KCTD15: variants seen among roughly 807,000 people sequenced by gnomAD.
KCTD15 encodes BTB/POZ domain-containing protein KCTD15.
KCTD15 carries 11 observed loss-of-function variants against 27.2 expected under a neutral mutation model. That is an observed-to-expected ratio of 0.41 (90% CI 0.25 to 0.67). The LOEUF (loss-of-function observed/expected upper bound fraction) is 0.67, where lower values mean the gene tolerates loss of function less well. Among genes scored for constraint, KCTD15 ranks in the 30% least tolerant of loss-of-function variants. The pLI is 0.35. For synonymous variants in KCTD15, 163 were observed against 176.0 expected (o/e 0.93, Z 0.58); for missense variants, 350 against 409.3 (o/e 0.86, Z 1.25).
At chr19:33,796,843 G>C (rs1424817970), upstream of KCTD15, 1 of 127,066 alleles carries the variant, frequency 7.9e-6, no homozygotes, top group Admixed American at 8.0e-5. Flanking sequence ...TGGGGGGAGG[G>C]TTGGGGGCGA....
intron 2 of KCTD15, 27 bp from the exon 3 acceptor site, chr19:33,800,401 C>G: frequency 1.3e-6 from 2 of 1,535,506 alleles, no homozygotes; most frequent in Non-Finnish European, 1.8e-6. Flanking sequence ...AATAAGCCTT[C>G]TCTGGTTTTG....
intron 4 of KCTD15, among the ~76,000 whole-genome samples, chr19:33,806,243 G>A (rs372379652): frequency 4.9e-4 from 74 of 152,202 alleles, no homozygotes; most frequent in African/African-American, 1.7e-3. Flanking sequence ...GATTTGTGCC[G>A]TCATGTCTCT....
In KCTD15 at chr19:33,813,025, G is replaced by A. The variant is rs1271715897; in HGVS notation, c.*77G>A. ...GGGGAGTTCTGCCTGTGTATACTTGGCCGTGGGCATGAGACCGAGGGTGAG... is the reference window on the plus strand; with the variant it reads ...GGGGAGTTCTGCCTGTGTATACTTGACCGTGGGCATGAGACCGAGGGTGAG... On this transcript the variant is annotated 3_prime_UTR_variant, in exon 7 of 7. Transcript: ENST00000683859. 2 of 1,436,980 alleles carry A rather than the reference G, an allele frequency of 1.4e-6. No homozygotes were observed. Among genetic ancestry groups the A allele is most frequent in the Admixed American group, 2.0e-5 (1 of 49,548 alleles). The allele number at this position is 1,436,980 out of a possible 1,614,324, so 89.0% of individuals were successfully genotyped here.
intron 1 of KCTD15, among the ~76,000 whole-genome samples, chr19:33,797,696 TTCTG>T (rs1408247679): frequency 1.2e-5 from 1 of 85,422 alleles, no homozygotes; most frequent in Non-Finnish European, 3.5e-5. Flanking sequence ...TGCAGCGCCT[TTCTG>T]TCTTCCGGCG....
At chr19:33,804,987 G>A (rs560870321) in intron 4 of KCTD15, among the ~76,000 whole-genome samples, 3 of 152,306 alleles carry the variant, frequency 2.0e-5, no homozygotes, top group Admixed American at 6.5e-5. Flanking sequence ...GGAGTACGTG[G>A]TGTGATCTCG....
At chr19:33,795,690 G>A (rs1975298581), upstream of KCTD15, among the ~76,000 whole-genome samples, 3 of 152,142 alleles carry the variant, frequency 2.0e-5, no homozygotes, top group Admixed American at 2.0e-4. Flanking sequence ...AGGAGGAAGA[G>A]GAAGGGGAGG....
At chr19:33,797,363 A>C (rs1975369680) in intron 1 of KCTD15, 1 of 453,696 alleles carries the variant, frequency 2.2e-6, no homozygotes, top group Non-Finnish European at 4.4e-6. Flanking sequence ...AGAGCTGGCG[A>C]GTTTCCGGGG....
intron 4 of KCTD15, among the ~76,000 whole-genome samples, chr19:33,805,761 C>T (rs1975690632): frequency 6.6e-6 from 1 of 152,216 alleles, no homozygotes; most frequent in South Asian, 2.1e-4. Flanking sequence ...TACTCCCACC[C>T]CTCTTTAGGG....
chr19:33,812,876 G>T lies in KCTD15; in HGVS notation c.780G>T (p.Val260=). ...ACTCCTCCCAGTTCAGCGAGTATGT[G>T]CTTTGCCGGGAGGAGCGGCGGCCGC... ...GVDSSQFSEY[V]LCREERRPQP... Residue 260 remains valine (V), a synonymous_variant, in exon 7 of 7, where the codon GTG becomes GTT. Transcript: ENST00000683859. The T allele has an allele frequency of 2.6e-6, 4 of 1,550,186 alleles. No individual in the cohort carries two copies. Among genetic ancestry groups the T allele is most frequent in the Non-Finnish European group, 3.5e-6 (4 of 1,146,398 alleles).
chr19:33,814,599 A>T lies in KCTD15; in HGVS notation c.*1651A>T, dbSNP rs1976038967. ...TGGTTGGGGATGATGTCCTCTTTAG[A>T]CCCCCACGTAATGGTATGAGAAGGT... On this transcript the variant is annotated 3_prime_UTR_variant, in exon 7 of 7. Coordinates refer to ENST00000683859, the MANE Select transcript of KCTD15 (RefSeq NM_001129994.2). The T allele has an allele frequency of 6.6e-6, 1 of 151,894 alleles. No individual in the cohort carries two copies. The highest frequency in any genetic ancestry group is 2.4e-5 in the African/African-American group (1 of 41,340). The allele number at this position is 151,894 out of a possible 1,614,324, so 9.4% of individuals were successfully genotyped here.
rs1976049070 is a variant in KCTD15 at position 33,814,926 on chromosome 19, ATTTGCTGGACAAACT to A, written c.*1980_*1994del. The A allele has an allele frequency of 6.6e-6, 1 of 152,204 alleles. No individual in the cohort carries two copies. The highest frequency in any genetic ancestry group is 2.1e-4 in the South Asian group (1 of 4,828). The allele number at this position is 152,204 out of a possible 1,614,324, so 9.4% of individuals were successfully genotyped here. Reference sequence around the variant, plus strand: ...AGACGCCATCCCACTGTACAATCGAATTTGCTGGACAAACTTGATAGGTTTCTCTGCTTAGCAACG... The same window carrying A: ...AGACGCCATCCCACTGTACAATCGAATGATAGGTTTCTCTGCTTAGCAACG... On this transcript the variant is annotated 3_prime_UTR_variant, in exon 7 of 7. Coordinates refer to ENST00000683859, the MANE Select transcript of KCTD15 (RefSeq NM_001129994.2).
rs1015817786 is a variant in KCTD15 at position 33,815,457 on chromosome 19, T to C, written c.*2509T>C. The C allele has an allele frequency of 3.9e-5, 6 of 152,206 alleles. No homozygotes were observed. The highest frequency in any genetic ancestry group is 7.3e-5 in the Non-Finnish European group (5 of 68,052). The allele number at this position is 152,206 out of a possible 1,614,324, so 9.4% of individuals were successfully genotyped here. A position where few individuals can be genotyped will look rare whatever the true frequency, so the allele number is the denominator to read the frequency against. On this transcript the variant is annotated 3_prime_UTR_variant, in exon 7 of 7. Transcript: ENST00000683859. ...TGAGTATATTATCAGCAATCTTTTG[T>C]CAAATGCCAGCCGTATAAATGTTAC...
intron 6 of KCTD15, 41 bp from the exon 7 acceptor site, chr19:33,812,749 T>C: frequency 7.1e-7 from 1 of 1,405,866 alleles, no homozygotes; most frequent in Non-Finnish European, 9.3e-7. Flanking sequence ...AGGTGTCCTC[T>C]TGCAGCTTGG....
At chr19:33,808,775 G>T (rs1178291922) in intron 5 of KCTD15, among the ~76,000 whole-genome samples, 1 of 152,128 alleles carries the variant, frequency 6.6e-6, no homozygotes. Context: ...CAGGCCAAGG[G>T]AGGCTGGGTG....
intron 5 of KCTD15, 37 bp downstream of exon 5, chr19:33,807,044 T>C (rs1270984838): frequency 6.2e-7 from 1 of 1,605,674 alleles, no homozygotes; most frequent in African/African-American, 1.3e-5. Flanking sequence ...GCACTGCCTG[T>C]GTGATGGCAT....
chr19:33,799,418 A>G (rs1975454830), intron 2 of KCTD15, among the ~76,000 whole-genome samples: 1 of 152,214 alleles, frequency 6.6e-6, no homozygotes, highest in African/African-American at 2.4e-5. Context: ...TGTGGAAGCC[A>G]GTGTCTGTGG....
At position 33,800,442 on chromosome 19, in the gene KCTD15, G is replaced by T; in HGVS notation, c.-13G>T. On this transcript the variant is annotated 5_prime_UTR_variant, in exon 3 of 7. Coordinates refer to ENST00000683859, the MANE Select transcript of KCTD15 (RefSeq NM_001129994.2). Reference sequence around the variant, plus strand: ...GCCTCCCGCAGATACTCTGGGCAGGGATGGAAGCCTAGATGCCTCACCGCA... The same window carrying T: ...GCCTCCCGCAGATACTCTGGGCAGGTATGGAAGCCTAGATGCCTCACCGCA... The T allele has an allele frequency of 1.9e-6, 3 of 1,601,308 alleles. No homozygotes were observed. The highest frequency in any genetic ancestry group is 2.6e-6 in the Non-Finnish European group (3 of 1,175,116).
Position 33,798,662 on chromosome 19 carries a change from C to T in KCTD15, c.-126-6C>T, listed in dbSNP as rs1348672209. 6.5e-6 allele frequency: 1 copy of T among 152,728 alleles called. No homozygotes were observed. The highest frequency in any genetic ancestry group is 1.9e-4 in the East Asian group (1 of 5,200). The allele number at this position is 152,728 out of a possible 1,614,324, so 9.5% of individuals were successfully genotyped here. On this transcript the variant is annotated splice_region_variant and splice_polypyrimidine_tract_variant and intron_variant, in intron 1 of 6. Transcript: ENST00000683859. ...ACTGCACCCACTTTTGTGCTTCTGA[C>T]TTAAGCAGTGGTCTCGGAAAGAGGG...
intron 5 of KCTD15, 25 bp downstream of exon 5, chr19:33,807,032 C>T (rs756705447): frequency 8.7e-5 from 140 of 1,610,188 alleles, no homozygotes; most frequent in Non-Finnish European, 1.1e-4. Flanking sequence ...GGTGGCCCCC[C>T]TGCACTGCCT....
Sources: allele counts gnomAD v4.1 joint callset (sites outside exome capture counted in the v4.1 genomes callset), GRCh38; gene constraint gnomAD v4.1.1; transcripts MANE v1.5; gene names NCBI Gene and HGNC (gene_info 2026-07-23, HGNC 2026-07-21).